LRP1: variants seen among roughly 807,000 people sequenced by gnomAD.
LRP1 encodes the protein prolow-density lipoprotein receptor-related protein 1.
A neutral mutation model predicts 541.5 loss-of-function variants in LRP1; 51 were observed. The ratio of observed to expected loss-of-function variants is 0.09; its 90% CI spans 0.08 to 0.12. LRP1 has a LOEUF of 0.12. Among genes scored for constraint, LRP1 ranks in the 10% least tolerant of loss-of-function variants. LRP1 has a pLI of 1.00. For synonymous variants in LRP1, 2,219 were observed against 2,470.8 expected (o/e 0.90, Z 3.02); for missense variants, 3,878 against 6,376.2 (o/e 0.61, Z 13.34).
intron 6 of LRP1, chr12:57,148,950 C>T (rs754215185): frequency 5.1e-6 from 3 of 591,938 alleles, no homozygotes; most frequent in African/African-American, 1.9e-5. Flanking sequence ...TTCCCTTCCT[C>T]TCCCTTTCTT....
At chr12:57,200,261 C>G in intron 62 of LRP1, 181 bp from the exon 63 acceptor site, 1 of 647,150 alleles carries the variant, frequency 1.5e-6, no homozygotes. Context: ...TCAGTGCTGC[C>G]TTCCCCACCC....
At chr12:57,148,898 G>A in intron 6 of LRP1, 2 of 548,114 alleles carry the variant, frequency 3.6e-6, no homozygotes, top group South Asian at 4.9e-5. Context: ...CAGGCAGCAA[G>A]GTTGCGAAAT....
At chr12:57,133,287 G>C (rs1282500844) in intron 1 of LRP1, among the ~76,000 whole-genome samples, 1 of 151,928 alleles carries the variant, frequency 6.6e-6, no homozygotes, top group African/African-American at 2.4e-5. Context: ...CTGGGGGTCT[G>C]GCTTTTATTT....
At chr12:57,143,532 A>T in intron 3 of LRP1, 147 bp from the exon 4 acceptor site, 1 of 921,460 alleles carries the variant, frequency 1.1e-6, no homozygotes, top group Non-Finnish European at 1.6e-6. Flanking sequence ...GAAATATGGT[A>T]GATGCTTCCT....
intron 19 of LRP1, 74 bp from the exon 20 acceptor site, chr12:57,169,066 C>G: frequency 7.1e-7 from 1 of 1,409,710 alleles, no homozygotes. Flanking sequence ...GGGCAGGGGG[C>G]CCAAGCTGGG....
rs751364934 is a variant in LRP1 at position 57,209,586 on chromosome 12, G to A, written c.12263-106G>A. The A allele has an allele frequency of 3.6e-5, 33 of 921,706 alleles. No individual in the cohort carries two copies. In the Middle Eastern group the frequency reaches 9.3e-4, roughly 26 times the overall value. The allele number at this position is 921,706 out of a possible 1,614,324, so 57.1% of individuals were successfully genotyped here. ...TGGGGAGAGAGAATTTGGTCTGGAT[G>A]TGTTGAGTTTGAGGTGTCTGGGAAC... On this transcript the variant is annotated intron_variant, in intron 79 of 88. Coordinates refer to ENST00000243077, the MANE Select transcript of LRP1 (RefSeq NM_002332.3).
At chr12:57,146,525 G>A (rs1361759461) in intron 6 of LRP1, 1 of 152,226 alleles carries the variant, frequency 6.6e-6, no homozygotes, top group Non-Finnish European at 1.5e-5. Flanking sequence ...TGGTTCTTGT[G>A]ATGAAAAGAA....
Position 57,199,880 on chromosome 12 carries a change from C to T in LRP1, c.9869C>T (p.Pro3290Leu), listed in dbSNP as rs756490717. 9.5e-6 allele frequency: 15 copies of T among 1,584,226 alleles called. No individual in the cohort carries two copies. In the Admixed American group the frequency reaches 2.9e-4, roughly 30 times the overall value. ...TTCACGACGTTTTCTCTGGCAGTGC[C>T]CAATCACCCCTGCAAGGTCAACAAT... ...VFHALRQPDVPNHPCKVNNGG... is the reference protein window; with the variant it reads ...VFHALRQPDVLNHPCKVNNGG... The change falls in exon 62 of 89, where the codon CCC becomes CTC. Residue 3290 changes from proline (P) to leucine (L), a missense_variant. This residue lies in a region of LRP1 where 1,100 missense variants were observed against 1,827.4 expected (regional missense o/e 0.60). Coordinates refer to ENST00000243077, the MANE Select transcript of LRP1 (RefSeq NM_002332.3).
intron 62 of LRP1, 21 bp from the exon 63 acceptor site, chr12:57,200,417 CCTCT>C: frequency 7.2e-7 from 1 of 1,389,628 alleles, no homozygotes; most frequent in East Asian, 2.3e-5. Flanking sequence ...CCCACCAACC[CCTCT>C]TGCCCCCACC....
rs745368837 is a variant in LRP1, at chr12:57,201,973, G to A, written c.10594+68G>A. On this transcript the variant is annotated intron_variant, in intron 67 of 88. Transcript: ENST00000243077. This position sits in a 1 kb window ranked among gnomAD's most constrained non-coding sequence, Gnocchi z 6.4. ...GTGGGAGGCATGGCACCCCTGGCAG[G>A]TGGAGGGCTGGGGGCCGCCTGCTTA... The A allele has an allele frequency of 6.3e-7, 1 of 1,597,564 alleles. No homozygotes were observed.
chr12:57,166,796 T>A (rs1057325246), intron 17 of LRP1, 134 bp from the exon 18 acceptor site: 13 of 654,618 alleles, frequency 2.0e-5, no homozygotes, highest in Admixed American at 2.6e-5. Flanking sequence ...AGAGAGATGG[T>A]TTTGAATTCT....
Position 57,185,521 on chromosome 12 carries a change from C to T in LRP1, c.6464-10C>T, listed in dbSNP as rs1005701705. ...GCAGGCCCTGCCCTCTGTACCCTCC[C>T]CTCCCCCAGGCACCAACGTGTGCGC... is the stretch of plus-strand genomic sequence containing the variant. On this transcript the variant is annotated splice_polypyrimidine_tract_variant and intron_variant, in intron 40 of 88. Transcript: ENST00000243077. The surrounding 1 kb of genome is among the most constrained non-coding windows in gnomAD (Gnocchi z 4.9). The T allele has an allele frequency of 1.3e-6, 2 of 1,576,742 alleles. No individual in the cohort carries two copies. Among genetic ancestry groups the T allele is most frequent in the Non-Finnish European group, 1.7e-6 (2 of 1,159,248 alleles).
At position 57,143,673 on chromosome 12, in the gene LRP1, A is replaced by T. The variant is rs1227569538; in HGVS notation, c.329-6A>T. ...CTGAATATGTGTCTCTCCTGCCCCC[A>T]CACAGAGCTCCAAGGCAACTGCTCT... On this transcript the variant is annotated splice_region_variant and splice_polypyrimidine_tract_variant and intron_variant, in intron 3 of 88. Transcript: ENST00000243077. 6.2e-7 allele frequency: 1 copy of T among 1,612,250 alleles called. No individual in the cohort carries two copies. Among genetic ancestry groups the T allele is most frequent in the Non-Finnish European group, 8.5e-7 (1 of 1,178,786 alleles).
At chr12:57,143,237 G>A (rs2035333106) in intron 3 of LRP1, among the ~76,000 whole-genome samples, 1 of 152,218 alleles carries the variant, frequency 6.6e-6, no homozygotes, top group Non-Finnish European at 1.5e-5. Context: ...TTCCAGGCCA[G>A]AGCTGGGATC....
At chr12:57,200,418 C>A in intron 62 of LRP1, 24 bp from the exon 63 acceptor site, 5 of 1,426,816 alleles carry the variant, frequency 3.5e-6, no homozygotes, top group Non-Finnish European at 5.0e-6. Flanking sequence ...CCACCAACCC[C>A]TCTTGCCCCC....
intron 20 of LRP1, among the ~76,000 whole-genome samples, chr12:57,169,706 A>G (rs1295887973): frequency 1.3e-5 from 2 of 152,238 alleles, no homozygotes; most frequent in Non-Finnish European, 2.9e-5. Flanking sequence ...AGTGCTCAGC[A>G]CACGGCCTGT....
rs373613577 is a variant in LRP1 at position 57,156,905 on chromosome 12, G to A, written c.1546G>A (p.Gly516Arg). 2.5e-6 allele frequency: 4 copies of A among 1,582,486 alleles called. No individual in the cohort carries two copies. The highest frequency in any genetic ancestry group is 3.4e-6 in the Non-Finnish European group (4 of 1,164,808). Residue 516 changes from glycine (G) to arginine (R), a missense_variant, in exon 10 of 89, where the codon GGG becomes AGG. Around this residue, in one of 13 missense-constraint regions of LRP1, gnomAD observed 496 missense variants for 861.0 expected, o/e 0.58. Transcript: ENST00000243077. The surrounding 1 kb of genome is among the most constrained non-coding windows in gnomAD (Gnocchi z 5.2). ...TTCCGGCTTCAGCCTGGGCAGTGAC[G>A]GGAAGTCATGCAAGAGTGAGTGACA... The part of the protein sequence containing the change: ...CRSGFSLGSD[G>R]KSCKKPEHEL...
intron 12 of LRP1, 132 bp from the exon 13 acceptor site, chr12:57,160,761 G>A (rs1015519803): frequency 1.6e-6 from 1 of 639,016 alleles, no homozygotes; most frequent in African/African-American, 1.8e-5. Context: ...TGAATGAAAT[G>A]TGTGGTCCAG....
At chr12:57,142,204 C>T (rs925234398) in intron 3 of LRP1, among the ~76,000 whole-genome samples, 2 of 152,242 alleles carry the variant, frequency 1.3e-5, no homozygotes, top group African/African-American at 2.4e-5. Context: ...ATTTAAGAGT[C>T]GTGTCCGGGG....
Sources: allele counts gnomAD v4.1 joint callset (sites outside exome capture counted in the v4.1 genomes callset), GRCh38; gene constraint gnomAD v4.1.1; regional missense constraint gnomAD v4.1.1; non-coding constraint Gnocchi (gnomAD v3.1); transcripts MANE v1.5; gene names NCBI Gene and HGNC (gene_info 2026-07-23, HGNC 2026-07-21).